The following TEX9 variants were observed in gnomAD, a reference collection of about 807,000 sequenced individuals.
TEX9 encodes the protein testis expressed 9.
TEX9 carries 74 observed loss-of-function variants against 59.6 expected under a neutral mutation model. That is an observed-to-expected ratio of 1.24 (90% CI 1.03 to 1.51). TEX9 has a LOEUF of 1.51. TEX9 is among the 40% of genes most tolerant of loss of function. The pLI, the probability that TEX9 is intolerant of heterozygous loss-of-function variation, is 0.00. For missense variants in TEX9, 522 were observed against 447.8 expected (o/e 1.17, Z -1.49); for synonymous variants, 186 against 152.2 (o/e 1.22, Z -1.64).
rs752024338 is a variant in TEX9, at chr15:56,391,232, T to G, written c.396-11T>G. 3.9e-6 allele frequency: 6 copies of G among 1,532,106 alleles called. No individual in the cohort carries two copies. In the East Asian group the frequency reaches 1.4e-4, roughly 35 times the overall value. 94.9% of individuals were successfully genotyped at this position (1,532,106 alleles called of 1,614,324 possible). On this transcript the variant is annotated splice_polypyrimidine_tract_variant and intron_variant, in intron 6 of 12. Transcript: ENST00000352903. Reference sequence around the variant, plus strand: ...ATATACATACATATGTATTTAATTTTTATTTTTTAGTGTTAAATTGAAATA... The same window carrying G: ...ATATACATACATATGTATTTAATTTGTATTTTTTAGTGTTAAATTGAAATA...
chr15:56,431,472 C>G (rs776590173), intron 12 of TEX9: 1 of 1,613,390 alleles, frequency 6.2e-7, no homozygotes, highest in East Asian at 2.2e-5. Flanking sequence ...GCCTTTGCTG[C>G]AACTGCCACT....
intron 1 of TEX9, among the ~76,000 whole-genome samples, chr15:56,329,375 A>C (rs1240663952): frequency 6.6e-6 from 1 of 152,208 alleles, no homozygotes; most frequent in Non-Finnish European, 1.5e-5. Flanking sequence ...ATGCCCAGAC[A>C]CTGATGAACA....
intron 1 of TEX9, among the ~76,000 whole-genome samples, chr15:56,345,538 C>T (rs1224110273): frequency 6.6e-6 from 1 of 152,170 alleles, no homozygotes; most frequent in African/African-American, 2.4e-5. Flanking sequence ...ATCCTCCCAC[C>T]TCAGCCTCCC....
chr15:56,426,611 A>G (rs1176000568), intron 10 of TEX9, among the ~76,000 whole-genome samples: 1 of 48,810 alleles, frequency 2.0e-5, no homozygotes, highest in African/African-American at 5.2e-5. Context: ...ATATATATAT[A>G]TATATATATA....
chr15:56,313,365 T>C, intron 1 of TEX9, among the ~76,000 whole-genome samples: 3 of 121,274 alleles, frequency 2.5e-5, no homozygotes, highest in African/African-American at 8.9e-5. Flanking sequence ...TGAAGGGTTG[T>C]TGAATTTTGT....
At chr15:56,369,993 T>C (rs2047119690) in intron 2 of TEX9, among the ~76,000 whole-genome samples, 1 of 152,172 alleles carries the variant, frequency 6.6e-6, no homozygotes, top group Non-Finnish European at 1.5e-5. Flanking sequence ...TTCATCCCTT[T>C]ATGTTCAAAC....
intron 1 of TEX9, among the ~76,000 whole-genome samples, chr15:56,247,373 G>C (rs2043884748): frequency 6.6e-6 from 1 of 152,206 alleles, no homozygotes; most frequent in Non-Finnish European, 1.5e-5. Context: ...AGTCATAATG[G>C]AGGGAGGGAT....
chr15:56,401,308 C>CAAAAAAAAAAAAAAAAAAAAAA (rs1207055803), intron 9 of TEX9, among the ~76,000 whole-genome samples: 1 of 46,772 alleles, frequency 2.1e-5, no homozygotes, highest in Non-Finnish European at 3.4e-5. Context: ...AAATTGAAAG[C>CAAAAAAAAAAAAAAAAAAAAAA]AAAAAAAAAA....
intron 12 of TEX9, chr15:56,443,825 T>G: frequency 6.2e-7 from 1 of 1,604,026 alleles, no homozygotes; most frequent in Non-Finnish European, 8.5e-7. Context: ...TCGCATTGCA[T>G]TCATTTTTTC....
intron 2 of TEX9, among the ~76,000 whole-genome samples, chr15:56,367,422 C>T (rs923166275): frequency 1.2e-4 from 19 of 152,262 alleles, no homozygotes; most frequent in Middle Eastern, 3.4e-3. Flanking sequence ...TGCTACTTCC[C>T]AGGGACCTCA....
chr15:56,264,134 A>G (rs974768515), intron 1 of TEX9, among the ~76,000 whole-genome samples: 1 of 152,200 alleles, frequency 6.6e-6, no homozygotes, highest in East Asian at 1.9e-4. Context: ...GTAAGTATAC[A>G]TTTAAATTAA....
intron 1 of TEX9, among the ~76,000 whole-genome samples, chr15:56,358,233 T>C (rs2046720639): frequency 6.6e-6 from 1 of 152,164 alleles, no homozygotes; most frequent in Non-Finnish European, 1.5e-5. Flanking sequence ...ATGCCTACTA[T>C]CAGAAGATCT....
intron 10 of TEX9, among the ~76,000 whole-genome samples, chr15:56,420,417 C>T (rs1230381470): frequency 2.0e-5 from 3 of 151,578 alleles, no homozygotes; most frequent in Non-Finnish European, 4.4e-5. Flanking sequence ...AAGCGGTTCT[C>T]CTGCCTCAGC....
At chr15:56,425,288 G>C (rs370852624) in intron 10 of TEX9, among the ~76,000 whole-genome samples, 13 of 151,966 alleles carry the variant, frequency 8.6e-5, no homozygotes, top group Admixed American at 4.6e-4. Flanking sequence ...CTTAAATTTG[G>C]CAATTTTTCA....
chr15:56,251,805 T>C (rs1390382363), intron 1 of TEX9, among the ~76,000 whole-genome samples: 1 of 151,872 alleles, frequency 6.6e-6, no homozygotes, highest in African/African-American at 2.4e-5. Context: ...GAGGAATGGA[T>C]TATTGGCCAG....
chr15:56,306,023 G>A (rs935896165), intron 1 of TEX9, among the ~76,000 whole-genome samples: 7 of 151,970 alleles, frequency 4.6e-5, no homozygotes, highest in African/African-American at 9.7e-5. Flanking sequence ...ATAAAAACAT[G>A]CTCAATAGAA....
chr15:56,292,380 A>G (rs2045114914), intron 1 of TEX9, among the ~76,000 whole-genome samples: 2 of 152,302 alleles, frequency 1.3e-5, no homozygotes, highest in East Asian at 1.9e-4. Flanking sequence ...AGGAAGGACT[A>G]TTGATATATA....
intron 3 of TEX9, among the ~76,000 whole-genome samples, chr15:56,381,351 A>G (rs748415015): frequency 3.3e-5 from 5 of 152,128 alleles, no homozygotes; most frequent in South Asian, 2.1e-4. Context: ...GCTATTTTGA[A>G]TTCACTGTCT....
At chr15:56,264,757 A>G (rs561956391) in intron 1 of TEX9, among the ~76,000 whole-genome samples, 2 of 152,196 alleles carry the variant, frequency 1.3e-5, no homozygotes, top group Non-Finnish European at 2.9e-5. Context: ...TTTGTCATCC[A>G]TTTTGACTTA....
Sources: gnomAD v4.1 joint callset for allele counts (sites outside exome capture counted in the v4.1 genomes callset) on GRCh38, gnomAD v4.1.1 for gene constraint, MANE v1.5 for transcripts, NCBI Gene and HGNC (gene_info 2026-07-23, HGNC 2026-07-21) for gene names.